MARCO: variants seen among roughly 807,000 people sequenced by gnomAD.
MARCO encodes the protein macrophage receptor with collagenous structure.
In MARCO, 72 loss-of-function variants were observed where a neutral mutation model predicts 70.0. The ratio of observed to expected loss-of-function variants is 1.03; its 90% CI spans 0.85 to 1.25. The LOEUF (loss-of-function observed/expected upper bound fraction) is 1.25, where lower values mean the gene tolerates loss of function less well. Ranked by LOEUF, MARCO falls within the 50% of genes most tolerant of loss-of-function variation. The probability of loss-of-function intolerance (pLI) is 0.00; values close to 1 mark genes in which losing one functional copy is unlikely to be tolerated. For missense variants in MARCO, 696 were observed against 659.3 expected (o/e 1.06, Z -0.61); for synonymous variants, 273 against 243.1 (o/e 1.12, Z -1.14).
chr2:118,966,140 G>A lies in MARCO; in HGVS notation c.98-3020G>A, dbSNP rs575518134. On this transcript the variant is annotated intron_variant, in intron 1 of 16. Transcript: ENST00000327097. ...GGCAGACCTGGAAAGACTAGAATTTGTGTGCAGGCTTTTTTTCTTCACTGG... is the reference window on the plus strand; with the variant it reads ...GGCAGACCTGGAAAGACTAGAATTTATGTGCAGGCTTTTTTTCTTCACTGG... Among the ~76,000 whole-genome samples the A allele has an allele frequency of 2.6e-5, 4 of 152,310 alleles. No homozygotes were observed. In the East Asian group the frequency reaches 7.7e-4, roughly 29 times the overall value.
chr2:118,943,713 T>A (rs1228796962), intron 1 of MARCO, among the ~76,000 whole-genome samples: 2 of 152,196 alleles, frequency 1.3e-5, no homozygotes, highest in East Asian at 3.8e-4. Context: ...GGGCGCCACA[T>A]GTTTGTATTG....
chr2:118,971,649 G>T (rs989854857), intron 4 of MARCO, 115 bp downstream of exon 4: 1 of 969,836 alleles, frequency 1.0e-6, no homozygotes, highest in African/African-American at 1.7e-5. Flanking sequence ...ACCTTCCCCT[G>T]TCTCCACAGC....
rs1045613962 is a variant in MARCO, at chr2:118,993,415, G to A, written c.1429+115G>A. ...GGTTTTCTTTAAAAGAAAAATATTG[G>A]TCCAAGCAACCAAAAAGCTCTGCAG... On this transcript the variant is annotated intron_variant, in intron 16 of 16. Transcript: ENST00000327097. 6 of 1,077,920 alleles carry A rather than the reference G, an allele frequency of 5.6e-6. No homozygotes were observed. In the African/African-American group the frequency reaches 9.5e-5, roughly 17 times the overall value. The allele number at this position is 1,077,920 out of a possible 1,614,324, so 66.8% of individuals were successfully genotyped here. A position where few individuals can be genotyped will look rare whatever the true frequency, so the allele number is the denominator to read the frequency against.
At chr2:118,966,233 C>A (rs1388788468) in intron 1 of MARCO, among the ~76,000 whole-genome samples, 1 of 152,182 alleles carries the variant, frequency 6.6e-6, no homozygotes, top group Non-Finnish European at 1.5e-5. Flanking sequence ...GTGGGCCAGA[C>A]AATAGAGCTG....
chr2:118,969,050 C>A, intron 1 of MARCO, 110 bp from the exon 2 acceptor site: 1 of 749,334 alleles, frequency 1.3e-6, no homozygotes, highest in Non-Finnish European at 2.3e-6. Context: ...TCTTTCCCAG[C>A]TGACCTCACA....
chr2:118,969,538 C>T (rs923269730), intron 2 of MARCO, among the ~76,000 whole-genome samples: 9 of 152,150 alleles, frequency 5.9e-5, no homozygotes, highest in African/African-American at 1.9e-4. Flanking sequence ...TAATTTCACA[C>T]GGGGGATGAC....
In MARCO at chr2:118,969,230, C is replaced by T. The variant is rs1441555789; in HGVS notation, c.168C>T (p.Leu56=). The change falls in exon 2 of 17, where the codon CTC becomes CTT. Residue 56 remains leucine (L), a synonymous_variant. Coordinates refer to ENST00000327097, the MANE Select transcript of MARCO (RefSeq NM_006770.4). Reference sequence around the variant, plus strand: ...TGGTGGTCATCTACCTGATCCTGCTCACCGCTGGCGCTGGGCTGCTGGTGG... The same window carrying T: ...TGGTGGTCATCTACCTGATCCTGCTTACCGCTGGCGCTGGGCTGCTGGTGG... ...LAVVVIYLIL[L]TAGAGLLVVQ... 1.9e-6 allele frequency: 3 copies of T among 1,614,196 alleles called. No individual in the cohort carries two copies. The highest frequency in any genetic ancestry group is 2.2e-5 in the South Asian group (2 of 91,090).
rs115548877 is a variant in MARCO, at chr2:118,965,904, G to A, written c.98-3256G>A. ...ACTGCCTGGTGCTATCAGGTAGGAA[G>A]TGAGATACATCAGGCCCAAAGGGAA... On this transcript the variant is annotated intron_variant, in intron 1 of 16. Coordinates refer to ENST00000327097, the MANE Select transcript of MARCO (RefSeq NM_006770.4). Among the ~76,000 whole-genome samples, 4 of 152,318 alleles carry A rather than the reference G, an allele frequency of 2.6e-5. No homozygotes were observed. In the East Asian group the frequency reaches 7.7e-4, roughly 29 times the overall value.
intron 1 of MARCO, chr2:118,953,088 C>T (rs989363149): frequency 6.6e-6 from 1 of 152,216 alleles, no homozygotes; most frequent in Admixed American, 6.5e-5. Context: ...CAATCTTAAA[C>T]TGATATCCGA....
In MARCO at chr2:118,969,438, T is replaced by C. The variant is rs956443991; in HGVS notation, c.199+177T>C. On this transcript the variant is annotated intron_variant, in intron 2 of 16. Transcript: ENST00000327097. ...ATGAGAGGAGCAAAGAAGGAGTGTATGTTGTGTGTATGTGTGCCTGAGGGA... is the reference window on the plus strand; with the variant it reads ...ATGAGAGGAGCAAAGAAGGAGTGTACGTTGTGTGTATGTGTGCCTGAGGGA... Among the ~76,000 whole-genome samples, 4 of 152,128 alleles carry C rather than the reference T, an allele frequency of 2.6e-5. No homozygotes were observed. In the South Asian group the frequency reaches 6.2e-4, roughly 24 times the overall value.
chr2:118,965,621 A>C (rs1680030021), intron 1 of MARCO, among the ~76,000 whole-genome samples: 1 of 152,140 alleles, frequency 6.6e-6, no homozygotes, highest in African/African-American at 2.4e-5. Flanking sequence ...ATTTTCCATT[A>C]TATAATGGAT....
chr2:118,981,550 C>CA, intron 9 of MARCO, 43 bp downstream of exon 9: 3 of 1,395,820 alleles, frequency 2.1e-6, no homozygotes, highest in Non-Finnish European at 3.0e-6. Flanking sequence ...CTAGGTATTT[C>CA]CTTTTTTTTT....
chr2:118,987,084 A>G (rs1680531406), intron 12 of MARCO, among the ~76,000 whole-genome samples: 1 of 152,182 alleles, frequency 6.6e-6, no homozygotes, highest in South Asian at 2.1e-4. Flanking sequence ...ACACTAAACA[A>G]CTGGAAGGCA....
chr2:118,950,465 T>TA lies in MARCO; in HGVS notation c.97+8070dup, dbSNP rs397711119. On this transcript the variant is annotated intron_variant, in intron 1 of 16. Coordinates refer to ENST00000327097, the MANE Select transcript of MARCO (RefSeq NM_006770.4). ...TTAAACCTTCAAAACAAAATTTTTT[T>TA]AACCTTTTAATGTAGGTAGAAATCC... 9.2e-5 allele frequency among the ~76,000 whole-genome samples: 14 copies of TA among 152,152 alleles called. No individual in the cohort carries two copies. The South Asian group carries it at 2.9e-3, about 32-fold the overall frequency.
chr2:118,977,406 C>T (rs1680304037), intron 6 of MARCO, 65 bp from the exon 7 acceptor site: 3 of 1,282,166 alleles, frequency 2.3e-6, no homozygotes, highest in Admixed American at 3.4e-5. Context: ...AGAATGTCAG[C>T]TGATTAAAGA....
chr2:118,994,260 A>C, intron 16 of MARCO, 127 bp from the exon 17 acceptor site: 13 of 961,464 alleles, frequency 1.4e-5, no homozygotes, highest in Admixed American at 1.9e-5. Context: ...TTGGGCCGGA[A>C]TGGGCCAGAA....
rs1183797609 is a variant in MARCO, at chr2:118,977,475, C to G, written c.618C>G (p.Leu206=). The change falls in exon 7 of 17, where the codon CTC becomes CTG. Residue 206 remains leucine, a synonymous_variant. Transcript: ENST00000327097. ...GPPGVKGEAG[L]QGPQGAPGKQ... ...CTCTTTTTTCCTTCCTCACAGGCCT[C>G]CAAGGACCCCAGGGTGCTCCAGGGA... The G allele has an allele frequency of 1.2e-6, 2 of 1,613,944 alleles. No homozygotes were observed. Among genetic ancestry groups the G allele is most frequent in the Non-Finnish European group, 1.7e-6 (2 of 1,179,906 alleles).
intron 12 of MARCO, among the ~76,000 whole-genome samples, chr2:118,986,726 GAA>G (rs138583493): frequency 0.12 from 12,723 of 107,804 alleles, 1,754 homozygotes; most frequent in South Asian, 0.29. Flanking sequence ...AGAAAGAAAA[GAA>G]AGAAAGAAAG....
intron 1 of MARCO, among the ~76,000 whole-genome samples, chr2:118,954,197 C>G (rs1679783569): frequency 2.6e-5 from 4 of 152,156 alleles, no homozygotes; most frequent in African/African-American, 9.7e-5. Context: ...TCTCCCCCTC[C>G]CCCTGGAAAC....
Sources: allele counts gnomAD v4.1 joint callset (sites outside exome capture counted in the v4.1 genomes callset), GRCh38; gene constraint gnomAD v4.1.1; transcripts MANE v1.5; gene names NCBI Gene and HGNC (gene_info 2026-07-23, HGNC 2026-07-21).